Variants in SLC4A4 observed in about 807,000 individuals in gnomAD.
The protein encoded by SLC4A4 is solute carrier family 4 member 4.
In SLC4A4, 27 loss-of-function variants were observed where a neutral mutation model predicts 111.5. The observed-to-expected ratio is 0.24, with a 90% CI of 0.18 to 0.33. The LOEUF is 0.33. SLC4A4 is among the 10% of genes least tolerant of loss of function. The probability of loss-of-function intolerance (pLI) is 1.00; values close to 1 mark genes in which losing one functional copy is unlikely to be tolerated. For synonymous variants in SLC4A4, 443 were observed against 463.4 expected, an observed-to-expected ratio of 0.96 and a Z score of 0.57; for missense variants, 909 against 1,315.5, an observed-to-expected ratio of 0.69 and a Z score of 4.78.
In SLC4A4 at chr4:71,267,479, C is replaced by T. The variant is rs530119063; in HGVS notation, c.253+12080C>T. On this transcript the variant is annotated intron_variant, in intron 3 of 25. Transcript: ENST00000264485. Reference sequence around the variant, plus strand: ...ATCTAAGGCAGGCCATCAACACTGACCAAGTATGTGAGGCCTCATTGAGGA... The same window carrying T: ...ATCTAAGGCAGGCCATCAACACTGATCAAGTATGTGAGGCCTCATTGAGGA... 2.6e-5 allele frequency among the ~76,000 whole-genome samples: 4 copies of T among 152,162 alleles called. 1 individual carries two copies. The highest frequency in any genetic ancestry group is 9.6e-5 in the African/African-American group (4 of 41,524).
At chr4:71,438,012 C>T (rs1214314120) in intron 7 of SLC4A4, 2 of 154,668 alleles carry the variant, frequency 1.3e-5, no homozygotes, top group African/African-American at 4.8e-5. Context: ...GGTTTGAAGG[C>T]CTCCTCGCCC....
intron 1 of SLC4A4, among the ~76,000 whole-genome samples, chr4:71,087,197 G>A (rs1163348607): frequency 3.9e-5 from 6 of 152,000 alleles, no homozygotes; most frequent in Admixed American, 3.9e-4. Flanking sequence ...TTGCATAGAG[G>A]TGTTTACAGT....
At chr4:71,166,243 G>T (rs542747844) in intron 2 of SLC4A4, among the ~76,000 whole-genome samples, 5 of 152,276 alleles carry the variant, frequency 3.3e-5, no homozygotes, top group Admixed American at 6.5e-5. Flanking sequence ...AAATATTTTT[G>T]ATTGTTGTAG....
At chr4:71,134,575 C>T (rs1405092956) in intron 2 of SLC4A4, among the ~76,000 whole-genome samples, 2 of 152,230 alleles carry the variant, frequency 1.3e-5, no homozygotes, top group Non-Finnish European at 2.9e-5. Flanking sequence ...CTGTGTACTT[C>T]TCTTGCCACT....
chr4:71,101,693 G>C (rs1742740738), intron 2 of SLC4A4, among the ~76,000 whole-genome samples: 1 of 152,092 alleles, frequency 6.6e-6, no homozygotes. Context: ...TATTCCAACA[G>C]ACCTGCAGCT....
In SLC4A4 at chr4:71,189,144, T is replaced by TA. The variant is rs576723861; in HGVS notation, c.-2+1750dup. On this transcript the variant is annotated intron_variant, in intron 1 of 25. Coordinates refer to ENST00000264485, the MANE Select transcript of SLC4A4 (RefSeq NM_001098484.3). ...GATATTTTGATAGTCCCAGCCATGT[T>TA]AAAAAAACTGAAAACTAAGAAACCC... 4.5e-4 allele frequency among the ~76,000 whole-genome samples: 68 copies of TA among 152,210 alleles called. 1 individual carries two copies. In the South Asian group the frequency reaches 4.8e-3, roughly 11 times the overall value.
intron 3 of SLC4A4, among the ~76,000 whole-genome samples, chr4:71,296,309 G>T (rs1724785276): frequency 6.6e-6 from 1 of 152,054 alleles, no homozygotes; most frequent in Admixed American, 6.6e-5. Flanking sequence ...CTTCTCTTTG[G>T]ATTTACACGC....
At chr4:71,117,247 C>T (rs966676117) in intron 2 of SLC4A4, among the ~76,000 whole-genome samples, 5 of 152,104 alleles carry the variant, frequency 3.3e-5, no homozygotes, top group Non-Finnish European at 7.3e-5. Context: ...TCCTAAAGTG[C>T]TGGGATGATA....
At chr4:71,113,547 A>T (rs1743154914) in intron 2 of SLC4A4, among the ~76,000 whole-genome samples, 1 of 152,172 alleles carries the variant, frequency 6.6e-6, no homozygotes, top group Non-Finnish European at 1.5e-5. Context: ...ATTAAATTAC[A>T]TTCTGCCCAG....
chr4:71,533,193 T>C (rs1028343770), intron 17 of SLC4A4, among the ~76,000 whole-genome samples: 8 of 152,180 alleles, frequency 5.3e-5, no homozygotes, highest in Non-Finnish European at 1.2e-4. Context: ...TGCTATCACA[T>C]ATTCATTAGT....
At chr4:71,455,226 C>T (rs867785722) in intron 12 of SLC4A4, among the ~76,000 whole-genome samples, 1 of 152,224 alleles carries the variant, frequency 6.6e-6, no homozygotes, top group South Asian at 2.1e-4. Context: ...GAAATAATAT[C>T]GTGCTGGTCA....
chr4:71,488,622 A>T (rs1186323792), intron 15 of SLC4A4, among the ~76,000 whole-genome samples: 2 of 151,696 alleles, frequency 1.3e-5, no homozygotes, highest in Non-Finnish European at 3.0e-5. Context: ...TCCAGAGGGT[A>T]AATCACCTTT....
intron 14 of SLC4A4, among the ~76,000 whole-genome samples, chr4:71,476,450 C>T (rs573321661): frequency 2.0e-5 from 3 of 151,640 alleles, no homozygotes; most frequent in Non-Finnish European, 4.4e-5. Flanking sequence ...AACACTGGGA[C>T]AGTATGTAAC....
chr4:71,300,785 C>A (rs933274634), intron 3 of SLC4A4: 1 of 361,624 alleles, frequency 2.8e-6, no homozygotes, highest in African/African-American at 2.1e-5. Flanking sequence ...CAGACCCCCG[C>A]AGCCATCTGC....
intron 2 of SLC4A4, among the ~76,000 whole-genome samples, chr4:71,167,720 T>G (rs1744819481): frequency 6.6e-6 from 1 of 152,210 alleles, no homozygotes; most frequent in Non-Finnish European, 1.5e-5. Context: ...ATCGAAACAG[T>G]GATTTTTGTC....
Position 71,173,276 on chromosome 4 carries a change from T to G in SLC4A4, c.-1-63300T>G, listed in dbSNP as rs1744992043. ...TCAGAAGTATATGTAGGTATTGATA[T>G]CAGTATATATGTGCTCTGTCAGGTT... On this transcript the variant is annotated intron_variant, in intron 2 of 26. Transcript: ENST00000649996. 2.0e-5 allele frequency among the ~76,000 whole-genome samples: 3 copies of G among 152,238 alleles called. No homozygotes were observed. The South Asian group carries it at 6.2e-4, about 32-fold the overall frequency.
intron 7 of SLC4A4, among the ~76,000 whole-genome samples, chr4:71,432,446 C>G (rs1209182815): frequency 6.6e-6 from 1 of 152,128 alleles, no homozygotes; most frequent in African/African-American, 2.4e-5. Flanking sequence ...GTAATAATAA[C>G]AGTCTTGGCA....
At chr4:71,252,569 C>T (rs1235367128) in intron 2 of SLC4A4, among the ~76,000 whole-genome samples, 1 of 152,184 alleles carries the variant, frequency 6.6e-6, no homozygotes, top group East Asian at 1.9e-4. Flanking sequence ...GCTTGATTTC[C>T]TCTGGCAGTT....
intron 20 of SLC4A4, among the ~76,000 whole-genome samples, chr4:71,552,813 A>G (rs1736137283): frequency 6.6e-6 from 1 of 151,538 alleles, no homozygotes; most frequent in Admixed American, 6.6e-5. Context: ...TGTTTTAATT[A>G]CTCCTGTCTT....
Sources: allele counts gnomAD v4.1 joint callset (sites outside exome capture counted in the v4.1 genomes callset), GRCh38; gene constraint gnomAD v4.1.1; transcripts MANE v1.5; gene names NCBI Gene and HGNC (gene_info 2026-07-23, HGNC 2026-07-21).